The following CDH20 variants were observed in gnomAD, a reference collection of about 807,000 sequenced individuals.
CDH20 encodes the protein cadherin 20.
Under a neutral mutation model 74.2 loss-of-function variants are expected in CDH20, and 29 were observed. That is an observed-to-expected ratio of 0.39 (90% CI 0.29 to 0.53). CDH20 has a LOEUF of 0.53. CDH20 is among the 20% of genes least tolerant of loss of function. CDH20 has a pLI of 0.69. For synonymous variants in CDH20, 469 were observed against 405.4 expected (o/e 1.16, Z -1.88); for missense variants, 988 against 1,048.3 (o/e 0.94, Z 0.79).
rs558854522 is a variant in CDH20, at chr18:61,412,720, C to A, written c.-152-77682C>A. On this transcript the variant is annotated intron_variant, in intron 1 of 11. Transcript: ENST00000262717. ...CAAGCTATTGCTTTAAATAGTTCAT[C>A]TATAATAAAATACAGCCATTAAAAA... Among the ~76,000 whole-genome samples the A allele has an allele frequency of 7.9e-5, 12 of 152,092 alleles. No individual in the cohort carries two copies. The South Asian group carries it at 2.5e-3, about 32-fold the overall frequency.
At chr18:61,405,024 T>A in intron 1 of CDH20, 1 of 698,636 alleles carries the variant, frequency 1.4e-6, no homozygotes, top group Non-Finnish European at 2.7e-6. Context: ...TGCATAGTAC[T>A]CCATTTCTGA....
At chr18:61,355,822 T>C (rs1228697503) in intron 1 of CDH20, among the ~76,000 whole-genome samples, 2 of 152,116 alleles carry the variant, frequency 1.3e-5, no homozygotes, top group Non-Finnish European at 2.9e-5. Context: ...GGGCAAAAAT[T>C]GGGCAAAAAA....
At chr18:61,420,396 C>T (rs568927153) in intron 1 of CDH20, among the ~76,000 whole-genome samples, 1 of 150,066 alleles carries the variant, frequency 6.7e-6, no homozygotes, top group East Asian at 2.0e-4. Context: ...TTTGAGTGAC[C>T]TCCGTGGGCC....
rs548242297 is a variant in CDH20, at chr18:61,496,391, T to C, written c.247-2795T>C. Among the ~76,000 whole-genome samples, 12 of 150,620 alleles carry C rather than the reference T, an allele frequency of 8.0e-5. No individual in the cohort carries two copies. In the East Asian group the frequency reaches 2.2e-3, roughly 27 times the overall value. ...CCTCCTGGAAAGCTGCTCCTAGCTCTGTTAACCAGGGCTAGCACCATCCAT... is the reference window on the plus strand; with the variant it reads ...CCTCCTGGAAAGCTGCTCCTAGCTCCGTTAACCAGGGCTAGCACCATCCAT... On this transcript the variant is annotated intron_variant, in intron 2 of 11. Transcript: ENST00000262717.
At chr18:61,345,494 A>C (rs918083146) in intron 1 of CDH20, among the ~76,000 whole-genome samples, 1 of 152,156 alleles carries the variant, frequency 6.6e-6, no homozygotes, top group African/African-American at 2.4e-5. Flanking sequence ...GCCCAGGTAC[A>C]TGTCTAAAAT....
At chr18:61,554,001 T>C (rs188788084) in intron 11 of CDH20, among the ~76,000 whole-genome samples, 189 bp from the exon 12 acceptor site, 1,995 of 152,318 alleles carry the variant, frequency 0.013, 27 homozygotes, top group South Asian at 0.028. Context: ...GTCCACAACC[T>C]GACTTACAGA....
At chr18:61,372,254 AT>A (rs1356106207) in intron 1 of CDH20, among the ~76,000 whole-genome samples, 3 of 152,090 alleles carry the variant, frequency 2.0e-5, no homozygotes. Context: ...ATTTTACTAA[AT>A]TCATTTCATT....
chr18:61,440,884 A>G (rs1404939710), intron 1 of CDH20, among the ~76,000 whole-genome samples: 1 of 152,134 alleles, frequency 6.6e-6, no homozygotes, highest in Non-Finnish European at 1.5e-5. Flanking sequence ...CCAAATTCAA[A>G]GAGTCAAGGG....
At chr18:61,510,701 T>G (rs1281506538) in intron 6 of CDH20, among the ~76,000 whole-genome samples, 1 of 152,172 alleles carries the variant, frequency 6.6e-6, no homozygotes, top group Admixed American at 6.5e-5. Context: ...CTTGACACAA[T>G]GCAAAAGGCT....
At chr18:61,530,918 G>A (rs1324067619) in intron 7 of CDH20, among the ~76,000 whole-genome samples, 1 of 152,188 alleles carries the variant, frequency 6.6e-6, no homozygotes, top group Admixed American at 6.5e-5. Context: ...GACAAGCAGG[G>A]AGTCCGGAAA....
At chr18:61,513,872 A>G (rs1417621730) in intron 6 of CDH20, among the ~76,000 whole-genome samples, 7 of 152,200 alleles carry the variant, frequency 4.6e-5, no homozygotes, top group Admixed American at 2.6e-4. Context: ...GAGATCCGCT[A>G]TTAGTCTGAT....
At chr18:61,451,735 A>C (rs1166915659) in intron 1 of CDH20, among the ~76,000 whole-genome samples, 1 of 145,024 alleles carries the variant, frequency 6.9e-6, no homozygotes, top group Non-Finnish European at 1.6e-5. Flanking sequence ...AATGTTGACT[A>C]CAGAGTCAAA....
chr18:61,361,532 A>T lies in CDH20; in HGVS notation c.-153+27705A>T, dbSNP rs142422204. 6.6e-5 allele frequency among the ~76,000 whole-genome samples: 10 copies of T among 152,318 alleles called. 1 individual carries two copies. The highest frequency in any genetic ancestry group is 1.4e-4 in the African/African-American group (6 of 41,578). On this transcript the variant is annotated intron_variant, in intron 1 of 11. Coordinates refer to ENST00000262717, the MANE Select transcript of CDH20 (RefSeq NM_031891.4). ...CAACTGTTGAGCTAAGAACAGATGA[A>T]TATTTTTTAAAAATGCATCTCTTTG... is the stretch of plus-strand genomic sequence containing the variant.
At chr18:61,377,930 T>C (rs1911297183) in intron 1 of CDH20, among the ~76,000 whole-genome samples, 1 of 152,116 alleles carries the variant, frequency 6.6e-6, no homozygotes, top group Non-Finnish European at 1.5e-5. Context: ...ATTTTTGAAA[T>C]GTCAGGACTT....
At chr18:61,401,826 C>A (rs1343899609) in intron 1 of CDH20, among the ~76,000 whole-genome samples, 1 of 152,102 alleles carries the variant, frequency 6.6e-6, no homozygotes, top group African/African-American at 2.4e-5. Context: ...ATAAAATTTG[C>A]ATTTACAAGA....
intron 2 of CDH20, among the ~76,000 whole-genome samples, chr18:61,496,142 T>C (rs1599125407): frequency 4.9e-5 from 1 of 20,262 alleles, no homozygotes; most frequent in Non-Finnish European, 9.2e-5. Context: ...CCTCCCTTCC[T>C]CTCCTCCTCT....
chr18:61,523,261 A>T (rs996072961), intron 6 of CDH20, among the ~76,000 whole-genome samples: 1 of 152,168 alleles, frequency 6.6e-6, no homozygotes, highest in Non-Finnish European at 1.5e-5. Flanking sequence ...GGCAAAGGAT[A>T]TGAACAGACA....
chr18:61,554,220 G>A lies in CDH20; in HGVS notation c.1931G>A (p.Arg644Gln), dbSNP rs1168994858. 1 of 1,612,968 alleles carries A rather than the reference G, an allele frequency of 6.2e-7. No individual in the cohort carries two copies. The highest frequency in any genetic ancestry group is 2.2e-5 in the East Asian group (1 of 44,856). Residue 644 changes from arginine (R) to glutamine (Q), a missense_variant, in exon 12 of 12, where the codon CGG becomes CAG. By Grantham distance (43) the Arg-to-Gln change is conservative (BLOSUM62 1). Around this residue, in one of 2 missense-constraint regions of CDH20, gnomAD observed 375 missense variants for 293.1 expected, o/e 1.28. Coordinates refer to ENST00000262717, the MANE Select transcript of CDH20 (RefSeq NM_031891.4). ...GTGTTGCTCATTTTGTCCATGAGGC[G>A]GCACCGGAAACAACCATACATCATC... ...VLVLLILSMRRHRKQPYIIDD... is the reference protein window; with the variant it reads ...VLVLLILSMRQHRKQPYIIDD...
At chr18:61,533,672 G>A (rs1342430029) in intron 7 of CDH20, among the ~76,000 whole-genome samples, 1 of 152,176 alleles carries the variant, frequency 6.6e-6, no homozygotes, top group Non-Finnish European at 1.5e-5. Context: ...TGCTTTTGGG[G>A]TCATATCCAA....
Sources: gnomAD v4.1 joint callset for allele counts (sites outside exome capture counted in the v4.1 genomes callset) on GRCh38, gnomAD v4.1.1 for gene constraint, gnomAD v4.1.1 regional missense constraint, MANE v1.5 for transcripts, NCBI Gene and HGNC (gene_info 2026-07-23, HGNC 2026-07-21) for gene names.